MLPH: variants seen among roughly 807,000 people sequenced by gnomAD.
MLPH encodes exophilin-3.
Under a neutral mutation model 72.1 loss-of-function variants are expected in MLPH, and 51 were observed. The observed-to-expected ratio is 0.71, with a 90% CI of 0.56 to 0.89. The LOEUF (loss-of-function observed/expected upper bound fraction) is 0.89, where lower values mean the gene tolerates loss of function less well. MLPH is among the 40% of genes least tolerant of loss of function. The pLI is 0.00. For synonymous variants in MLPH, 301 were observed against 310.1 expected, an observed-to-expected ratio of 0.97 and a Z score of 0.31; for missense variants, 743 against 759.9, an observed-to-expected ratio of 0.98 and a Z score of 0.26.
At chr2:237,493,768 C>T (rs1296836857) in intron 2 of MLPH, among the ~76,000 whole-genome samples, 1 of 152,198 alleles carries the variant, frequency 6.6e-6, no homozygotes, top group Non-Finnish European at 1.5e-5. Flanking sequence ...TTCAACTTGA[C>T]CCAGCTTCCA....
chr2:237,521,658 T>G (rs2080184512), intron 6 of MLPH, among the ~76,000 whole-genome samples: 2 of 152,226 alleles, frequency 1.3e-5, no homozygotes, highest in Admixed American at 1.3e-4. Context: ...CCAGACAGAA[T>G]GTAAAGGTTT....
chr2:237,548,748 G>A (rs1574915724), intron 13 of MLPH, among the ~76,000 whole-genome samples: 3 of 152,190 alleles, frequency 2.0e-5, no homozygotes, highest in African/African-American at 7.2e-5. Context: ...GCGTGGTGGC[G>A]GGCGCCTGTA....
intron 11 of MLPH, 77 bp from the exon 12 acceptor site, chr2:237,542,490 G>C (rs970777853): frequency 4.1e-6 from 5 of 1,217,736 alleles, no homozygotes; most frequent in African/African-American, 1.5e-5. Flanking sequence ...GGGGGCAGCT[G>C]CTCTTTCTGT....
intron 1 of MLPH, among the ~76,000 whole-genome samples, chr2:237,491,678 G>T (rs1289126438): frequency 6.6e-6 from 1 of 152,200 alleles, no homozygotes. Context: ...GCACAGTTTT[G>T]CAGTGTCCCA....
intron 14 of MLPH, 43 bp from the exon 15 acceptor site, chr2:237,552,294 T>A: frequency 6.4e-7 from 1 of 1,564,798 alleles, no homozygotes; most frequent in African/African-American, 1.4e-5. Context: ...GGGCTAAGTA[T>A]GTGATTGATA....
chr2:237,540,461 GGAA>G lies in MLPH; in HGVS notation c.1220_1222del (p.Glu407del). The G allele has an allele frequency of 6.2e-7, 1 of 1,612,620 alleles. No individual in the cohort carries two copies. On this transcript the variant is annotated inframe_deletion, in exon 10 of 16. Coordinates refer to ENST00000264605, the MANE Select transcript of MLPH (RefSeq NM_024101.7). Reference sequence around the variant, plus strand: ...ACCAGGAGACCTCGTCCGAGGAGGAGGAAGCCAAGGACGAAAAGGCAGAGCCCA... The same window carrying G: ...ACCAGGAGACCTCGTCCGAGGAGGAGGCCAAGGACGAAAAGGCAGAGCCCA...
At chr2:237,503,972 T>C (rs2079708554) in intron 2 of MLPH, among the ~76,000 whole-genome samples, 1 of 152,130 alleles carries the variant, frequency 6.6e-6, no homozygotes, top group Non-Finnish European at 1.5e-5. Context: ...CCTAATATCA[T>C]CACAGGGGCC....
In MLPH at chr2:237,554,643, G is replaced by A. The variant is rs559443583; in HGVS notation, c.*1051G>A. The stretch of plus-strand genomic sequence containing the variant: ...TCACTTTAGACAGGACCCAATGGCT[G>A]CACTGCCTTTGTCAGAGGGGGTGCT... On this transcript the variant is annotated 3_prime_UTR_variant, in exon 16 of 16. Transcript: ENST00000264605. The A allele has an allele frequency of 2.0e-5, 3 of 152,378 alleles. 1 individual carries two copies. The South Asian group carries it at 6.2e-4, about 32-fold the overall frequency. 9.4% of individuals were successfully genotyped at this position (152,378 alleles called of 1,614,324 possible). A position where few individuals can be genotyped will look rare whatever the true frequency, so the allele number is the denominator to read the frequency against.
At chr2:237,534,419 C>G in intron 8 of MLPH, 145 bp from the exon 9 acceptor site, 1 of 729,976 alleles carries the variant, frequency 1.4e-6, no homozygotes, top group East Asian at 2.6e-5. Flanking sequence ...TCACAATTAA[C>G]CTTCCCAGGC....
rs912030695 is a variant in MLPH at position 237,525,615 on chromosome 2, G to T, written c.690G>T (p.Glu230Asp). 1.2e-6 allele frequency: 2 copies of T among 1,614,122 alleles called. No individual in the cohort carries two copies. Among genetic ancestry groups the T allele is most frequent in the Non-Finnish European group, 1.7e-6 (2 of 1,180,022 alleles). ...CATGTGCTTAGTCCCTCACAGATGA[G>T]TCCTGCTCAGAGAAGGCAGCCCCTC... ...ARDSPQSLTD[E>D]SCSEKAAPHK... Residue 230 changes from glutamate to aspartate, a missense_variant, in exon 7 of 16, where the codon GAG (glutamate) becomes GAT (aspartate). Coordinates refer to ENST00000264605, the MANE Select transcript of MLPH (RefSeq NM_024101.7).
chr2:237,535,181 C>A (rs2080506095), intron 9 of MLPH, among the ~76,000 whole-genome samples: 1 of 152,064 alleles, frequency 6.6e-6, no homozygotes, highest in African/African-American at 2.4e-5. Flanking sequence ...TGCTGTGTCA[C>A]CACATGGCAC....
chr2:237,511,882 G>A (rs1218150017), intron 4 of MLPH, among the ~76,000 whole-genome samples: 1 of 152,248 alleles, frequency 6.6e-6, no homozygotes, highest in African/African-American at 2.4e-5. Context: ...GGAGGATGCC[G>A]GGGGGTCTTT....
At position 237,542,601 on chromosome 2, in the gene MLPH, G is replaced by A; in HGVS notation, c.1481G>A (p.Arg494Lys). ...ATTGAATCCAGGATTGCAGCCCTGA[G>A]GGCCGCAGGGCTCACGGTGAAGCCC... The part of the protein sequence containing the change: ...SDIESRIAAL[R>K]AAGLTVKPSG... Residue 494 changes from arginine (R) to lysine (K), a missense_variant, in exon 12 of 16, where the codon AGG (arginine) becomes AAG (lysine). Physicochemically the swap from Arg to Lys is conservative, Grantham distance 26. Transcript: ENST00000264605. 1.2e-6 allele frequency: 2 copies of A among 1,603,950 alleles called. No homozygotes were observed. Among genetic ancestry groups the A allele is most frequent in the Non-Finnish European group, 1.7e-6 (2 of 1,176,198 alleles).
intron 13 of MLPH, among the ~76,000 whole-genome samples, chr2:237,548,500 G>A (rs964595150): frequency 5.3e-5 from 8 of 152,220 alleles, no homozygotes; most frequent in African/African-American, 1.7e-4. Context: ...TTAGCCACAA[G>A]TGATCTTCCA....
chr2:237,494,799 G>C (rs2079501950), intron 2 of MLPH, among the ~76,000 whole-genome samples: 1 of 152,232 alleles, frequency 6.6e-6, no homozygotes, highest in Admixed American at 6.5e-5. Flanking sequence ...GCTCAGAGGA[G>C]ATGCGTTACG....
In MLPH at chr2:237,510,912, T is replaced by A; in HGVS notation, c.333-77T>A. The stretch of plus-strand genomic sequence containing the variant: ...ACATGCACACACTCGTGTGTGTGTG[T>A]GTGTGTGTGTGTGAGATTTATGCAG... On this transcript the variant is annotated intron_variant, in intron 3 of 15. Coordinates refer to ENST00000264605, the MANE Select transcript of MLPH (RefSeq NM_024101.7). The surrounding 1 kb of genome is among the most constrained non-coding windows in gnomAD (Gnocchi z 4.4). 6.7e-7 allele frequency: 1 copy of A among 1,489,468 alleles called. No individual in the cohort carries two copies. Among genetic ancestry groups the A allele is most frequent in the Non-Finnish European group, 9.4e-7 (1 of 1,068,246 alleles). 92.3% of individuals were successfully genotyped at this position (1,489,468 alleles called of 1,614,324 possible).
intron 8 of MLPH, 181 bp downstream of exon 8, chr2:237,527,697 A>G: frequency 1.3e-6 from 1 of 799,966 alleles, no homozygotes; most frequent in East Asian, 2.7e-5. Flanking sequence ...TTCACATAAC[A>G]GAAAATTAAC....
chr2:237,532,149 G>A (rs1390770572), intron 8 of MLPH, among the ~76,000 whole-genome samples: 3 of 152,222 alleles, frequency 2.0e-5, no homozygotes, highest in African/African-American at 7.2e-5. Flanking sequence ...TTGTGAAGTG[G>A]CTGTGGTGGG....
chr2:237,524,589 A>G (rs1040981032), intron 6 of MLPH, among the ~76,000 whole-genome samples: 1 of 152,244 alleles, frequency 6.6e-6, no homozygotes, highest in African/African-American at 2.4e-5. Flanking sequence ...TGCCTTCCCC[A>G]GCCCACTGAC....
Sources: allele counts gnomAD v4.1 joint callset (sites outside exome capture counted in the v4.1 genomes callset), GRCh38; gene constraint gnomAD v4.1.1; non-coding constraint Gnocchi (gnomAD v3.1); transcripts MANE v1.5; gene names NCBI Gene and HGNC (gene_info 2026-07-23, HGNC 2026-07-21).